VKORC1L1: variants seen among roughly 807,000 people sequenced by gnomAD.
VKORC1L1 encodes vitamin K epoxide reductase complex subunit 1L1.
VKORC1L1 carries 2 observed loss-of-function variants against 18.9 expected under a neutral mutation model. The observed-to-expected ratio is 0.11, with a 90% CI of 0.04 to 0.33. The LOEUF is 0.33. VKORC1L1 is among the 10% of genes least tolerant of loss of function. The pLI, the probability that VKORC1L1 is intolerant of heterozygous loss-of-function variation, is 1.00. For synonymous variants in VKORC1L1, 96 were observed against 100.0 expected, an observed-to-expected ratio of 0.96 and a Z score of 0.24; for missense variants, 123 against 224.1, an observed-to-expected ratio of 0.55 and a Z score of 2.88.
rs535649399 is a variant in VKORC1L1 at position 65,956,769 on chromosome 7, T to C, written c.*2469T>C. The C allele has an allele frequency of 1.3e-5, 2 of 152,322 alleles. No homozygotes were observed. Among genetic ancestry groups the C allele is most frequent in the Admixed American group, 1.3e-4 (2 of 15,290 alleles). 9.4% of individuals were successfully genotyped at this position (152,322 alleles called of 1,614,324 possible). A position where few individuals can be genotyped will look rare whatever the true frequency, so the allele number is the denominator to read the frequency against. ...GGGGGGAATCACCAGTGTTACAAAA[T>C]TAGAAGATTGTTTTGCCTGTTTTAG... On this transcript the variant is annotated 3_prime_UTR_variant, in exon 3 of 3. Transcript: ENST00000360768.
intron 1 of VKORC1L1, among the ~76,000 whole-genome samples, chr7:65,913,305 GT>G (rs994094179): frequency 2.0e-5 from 3 of 151,878 alleles, no homozygotes; most frequent in African/African-American, 4.8e-5. Context: ...TAGACCCTTT[GT>G]TTTTTTCATG....
At chr7:65,897,366 C>T (rs1167380734) in intron 1 of VKORC1L1, among the ~76,000 whole-genome samples, 1 of 152,186 alleles carries the variant, frequency 6.6e-6, no homozygotes, top group African/African-American at 2.4e-5. Flanking sequence ...AAGATAGCTA[C>T]TTCCGTATAT....
chr7:65,881,533 A>C, intron 1 of VKORC1L1, among the ~76,000 whole-genome samples: 1 of 152,210 alleles, frequency 6.6e-6, no homozygotes, highest in Non-Finnish European at 1.5e-5. Flanking sequence ...TGGTAGCATG[A>C]GGGAGCTGTG....
chr7:65,872,985 G>A (rs1388599166), upstream of VKORC1L1, among the ~76,000 whole-genome samples: 21 of 46,768 alleles, frequency 4.5e-4, no homozygotes, highest in African/African-American at 2.2e-3. Flanking sequence ...CCCCTGCCCC[G>A]CCCATCCCCA....
chr7:65,867,774 CCTT>C, the VKORC1L1 span, among the ~76,000 whole-genome samples: 3 of 152,140 alleles, frequency 2.0e-5, no homozygotes, highest in East Asian at 5.8e-4. Context: ...CAGTCACAGA[CCTT>C]CTTGAATTCA....
At chr7:65,896,454 A>G (rs906637037) in intron 1 of VKORC1L1, among the ~76,000 whole-genome samples, 16 of 152,060 alleles carry the variant, frequency 1.1e-4, no homozygotes, top group African/African-American at 3.4e-4. Flanking sequence ...GTTTTGGTAT[A>G]TATTGCCAGT....
At chr7:65,897,933 A>T (rs1386129274) in intron 1 of VKORC1L1, among the ~76,000 whole-genome samples, 1 of 151,936 alleles carries the variant, frequency 6.6e-6, no homozygotes, top group Non-Finnish European at 1.5e-5. Context: ...ATTTACACAC[A>T]CTCTTGTATA....
intron 1 of VKORC1L1, among the ~76,000 whole-genome samples, chr7:65,874,544 ACG>A: frequency 6.6e-6 from 1 of 152,106 alleles, no homozygotes. Context: ...ACAGTGGCTC[ACG>A]CCTGTAATCC....
rs1790258374 is a variant in VKORC1L1 at position 65,954,304 on chromosome 7, C to A, written c.*4C>A. 6.2e-7 allele frequency: 1 copy of A among 1,613,950 alleles called. No individual in the cohort carries two copies. The highest frequency in any genetic ancestry group is 1.3e-5 in the African/African-American group (1 of 75,008). ...GCTGCAACCCAAGCAGGACTGACGC[C>A]CGACAGACTCCACCCTAACAGTCTC... On this transcript the variant is annotated 3_prime_UTR_variant, in exon 3 of 3. Coordinates refer to ENST00000360768, the MANE Select transcript of VKORC1L1 (RefSeq NM_173517.6).
intron 1 of VKORC1L1, among the ~76,000 whole-genome samples, chr7:65,875,508 C>G (rs1788811946): frequency 6.6e-6 from 1 of 152,094 alleles, no homozygotes; most frequent in East Asian, 1.9e-4. Context: ...ACCTCCACCT[C>G]CCGGGTTCAC....
intron 1 of VKORC1L1, among the ~76,000 whole-genome samples, chr7:65,924,895 T>G (rs1789735055): frequency 6.6e-6 from 1 of 152,210 alleles, no homozygotes; most frequent in South Asian, 2.1e-4. Context: ...CTCCTGTACC[T>G]TCCTGTTACC....
intron 1 of VKORC1L1, among the ~76,000 whole-genome samples, chr7:65,945,293 T>C (rs575054877): frequency 6.6e-6 from 1 of 150,606 alleles, no homozygotes; most frequent in East Asian, 2.0e-4. Context: ...GTAAACATAT[T>C]ATTTAGAAAT....
chr7:65,940,980 T>G (rs1790023499), intron 1 of VKORC1L1, among the ~76,000 whole-genome samples: 1 of 152,162 alleles, frequency 6.6e-6, no homozygotes, highest in Non-Finnish European at 1.5e-5. Context: ...AACTATATAG[T>G]GTCTAGGAAT....
chr7:65,890,304 T>C (rs1384106514), intron 1 of VKORC1L1, among the ~76,000 whole-genome samples: 1 of 152,060 alleles, frequency 6.6e-6, no homozygotes, highest in African/African-American at 2.4e-5. Flanking sequence ...CTAATTTTTT[T>C]GTATTTTTAG....
chr7:65,910,729 C>G (rs1436793726), intron 1 of VKORC1L1, among the ~76,000 whole-genome samples: 1 of 151,888 alleles, frequency 6.6e-6, no homozygotes, highest in East Asian at 1.9e-4. Flanking sequence ...AGGTAGCAAG[C>G]TGTGCTTTCA....
chr7:65,876,055 T>C (rs1450520321), intron 1 of VKORC1L1, among the ~76,000 whole-genome samples: 1 of 152,176 alleles, frequency 6.6e-6, no homozygotes, highest in Non-Finnish European at 1.5e-5. Flanking sequence ...GGCATAATGA[T>C]GGAAAGTTCC....
At chr7:65,883,198 G>A (rs1266168949) in intron 1 of VKORC1L1, among the ~76,000 whole-genome samples, 3 of 141,796 alleles carry the variant, frequency 2.1e-5, no homozygotes, top group Non-Finnish European at 4.5e-5. Flanking sequence ...CTGGAATGCA[G>A]TGGTGCCATC....
rs545399448 is a variant in VKORC1L1, at chr7:65,875,902, C to T, written c.194+2337C>T. ...CATCTTCCAGGATCCAGAGTCAGCA[C>T]GTGGTTTTGGATTGCTCAAACTCAC... On this transcript the variant is annotated intron_variant, in intron 1 of 2. Transcript: ENST00000360768. 5.9e-5 allele frequency among the ~76,000 whole-genome samples: 9 copies of T among 152,268 alleles called. No individual in the cohort carries two copies. The East Asian group carries it at 9.6e-4, about 16-fold the overall frequency.
At chr7:65,946,267 G>C (rs1790117930) in intron 1 of VKORC1L1, among the ~76,000 whole-genome samples, 1 of 149,086 alleles carries the variant, frequency 6.7e-6, no homozygotes. Context: ...CAAGGCCTTT[G>C]ACTTGCCATT....
Sources: allele counts gnomAD v4.1 joint callset (sites outside exome capture counted in the v4.1 genomes callset), GRCh38; gene constraint gnomAD v4.1.1; transcripts MANE v1.5; gene names NCBI Gene and HGNC (gene_info 2026-07-23, HGNC 2026-07-21).